MLIP: variants seen among roughly 807,000 people sequenced by gnomAD.
MLIP encodes muscular LMNA interacting protein.
Under a neutral mutation model 84.8 loss-of-function variants are expected in MLIP, and 79 were observed. The ratio of observed to expected loss-of-function variants is 0.93; its 90% CI spans 0.78 to 1.12. The LOEUF is 1.12. Ranked by LOEUF, MLIP falls within the 50% of genes most tolerant of loss-of-function variation. The pLI is 0.00. For missense variants in MLIP, 1,257 were observed against 1,160.6 expected (o/e 1.08, Z -1.21); for synonymous variants, 504 against 463.0 (o/e 1.09, Z -1.14).
At position 54,160,735 on chromosome 6, in the gene MLIP, T is replaced by C; in HGVS notation, c.2440-5T>C. ...TCTTCTTTCCTTCCTTTCTTTTTTTTTCAGCATTCTTCTGATTCTCCTTCA... is the reference window on the plus strand; with the variant it reads ...TCTTCTTTCCTTCCTTTCTTTTTTTCTCAGCATTCTTCTGATTCTCCTTCA... On this transcript the variant is annotated splice_polypyrimidine_tract_variant and splice_region_variant and intron_variant, in intron 7 of 13. Transcript: ENST00000502396. The C allele has an allele frequency of 6.3e-7, 1 of 1,574,912 alleles. No individual in the cohort carries two copies. Among genetic ancestry groups the C allele is most frequent in the Non-Finnish European group, 8.7e-7 (1 of 1,145,246 alleles).
intron 1 of MLIP, among the ~76,000 whole-genome samples, chr6:54,037,983 G>T (rs929776688): frequency 6.6e-6 from 1 of 151,652 alleles, no homozygotes; most frequent in South Asian, 2.1e-4. Flanking sequence ...TAACAAAATC[G>T]TCTAGATCAA....
intron 1 of MLIP, among the ~76,000 whole-genome samples, chr6:54,044,197 G>A (rs1011939987): frequency 2.0e-5 from 3 of 152,188 alleles, no homozygotes; most frequent in African/African-American, 4.8e-5. Flanking sequence ...TTTGACAAAT[G>A]TGCCAATTAC....
intron 13 of MLIP, among the ~76,000 whole-genome samples, chr6:54,263,193 G>A (rs948342798): frequency 2.0e-5 from 3 of 151,908 alleles, no homozygotes; most frequent in African/African-American, 7.3e-5. Context: ...TAAGATCAGG[G>A]TTAATAATTA....
chr6:54,092,200 A>T (rs954616556), intron 1 of MLIP, among the ~76,000 whole-genome samples: 2 of 152,322 alleles, frequency 1.3e-5, no homozygotes, highest in African/African-American at 2.4e-5. Context: ...TCTGCAAATG[A>T]GTAGTGTTTC....
At chr6:54,090,609 T>C (rs1197223752) in intron 1 of MLIP, among the ~76,000 whole-genome samples, 2 of 151,764 alleles carry the variant, frequency 1.3e-5, no homozygotes, top group Non-Finnish European at 2.9e-5. Context: ...TAAGCATCGG[T>C]TGTGTGCACG....
At chr6:54,209,062 A>G (rs971791526) in intron 11 of MLIP, among the ~76,000 whole-genome samples, 8 of 152,344 alleles carry the variant, frequency 5.3e-5, no homozygotes, top group African/African-American at 1.9e-4. Context: ...TTTGAATATG[A>G]ATGCTAAGTT....
chr6:54,214,966 T>C (rs531706674), intron 11 of MLIP, among the ~76,000 whole-genome samples: 1 of 152,318 alleles, frequency 6.6e-6, no homozygotes, highest in East Asian at 1.9e-4. Context: ...GGCTCTGCAA[T>C]AGGCCTGGGT....
chr6:54,097,196 T>G (rs1768275523), intron 1 of MLIP, among the ~76,000 whole-genome samples: 1 of 152,206 alleles, frequency 6.6e-6, no homozygotes, highest in Non-Finnish European at 1.5e-5. Flanking sequence ...TTAGTTTTGT[T>G]CTTGTTTGAG....
At chr6:54,065,658 C>T (rs61589182) in intron 1 of MLIP, among the ~76,000 whole-genome samples, 11,357 of 99,068 alleles carry the variant, frequency 0.11, 3,682 homozygotes, top group South Asian at 0.17. Context: ...GCATCTGAAG[C>T]GGTTGGGTGG....
At chr6:54,176,991 C>T (rs1455773853) in intron 9 of MLIP, among the ~76,000 whole-genome samples, 1 of 152,194 alleles carries the variant, frequency 6.6e-6, no homozygotes, top group African/African-American at 2.4e-5. Context: ...GGAAAATTGG[C>T]TAGCCGTAAG....
chr6:54,251,715 ATAT>A (rs1441735453), intron 12 of MLIP, among the ~76,000 whole-genome samples: 1 of 106,084 alleles, frequency 9.4e-6, no homozygotes, highest in African/African-American at 4.2e-5. Context: ...TGATACATAT[ATAT>A]TATAACATAT....
chr6:54,202,341 C>G lies in MLIP; in HGVS notation c.2718+108C>G, dbSNP rs572848940. 25 of 567,646 alleles carry G rather than the reference C, an allele frequency of 4.4e-5. No individual in the cohort carries two copies. The African/African-American group carries it at 4.9e-4, about 11-fold the overall frequency. 35.2% of individuals were successfully genotyped at this position (567,646 alleles called of 1,614,324 possible). On this transcript the variant is annotated intron_variant, in intron 11 of 13. Transcript: ENST00000502396. ...TGATAAATATAAAATAAAGATGTCT[C>G]TATGAATATAGTATGCGTAAGAACA...
intron 1 of MLIP, chr6:54,046,974 T>C (rs1225653895): frequency 6.6e-6 from 1 of 152,198 alleles, no homozygotes; most frequent in Admixed American, 6.5e-5. Context: ...CAAATAACTC[T>C]AAATTTGGAA....
In MLIP at chr6:54,136,791, C is replaced by T. The variant is rs767016774; in HGVS notation, c.722C>T (p.Pro241Leu). The change falls in exon 4 of 14, where the codon CCG becomes CTG. Residue 241 changes from proline to leucine, a missense_variant. Pro to Leu is a moderately conservative substitution (Grantham distance 98). Coordinates refer to ENST00000502396, the MANE Select transcript of MLIP (RefSeq NM_001281747.2). The stretch of plus-strand genomic sequence containing the variant: ...TTCTCCTTTGTTTCTCCAACTAATC[C>T]GAACACACCACCCGACCCAGTTAAC... ...PAFSFVSPTN[P>L]NTPPDPVNLE... 6.5e-7 allele frequency: 1 copy of T among 1,526,974 alleles called. No individual in the cohort carries two copies. Among genetic ancestry groups the T allele is most frequent in the Non-Finnish European group, 8.8e-7 (1 of 1,139,336 alleles). The allele number at this position is 1,526,974 out of a possible 1,614,324, so 94.6% of individuals were successfully genotyped here.
chr6:54,257,464 A>C, intron 13 of MLIP, 103 bp downstream of exon 13: 1 of 841,948 alleles, frequency 1.2e-6, no homozygotes, highest in South Asian at 1.7e-5. Flanking sequence ...TGCTTTTATA[A>C]CAAAAGAAAG....
chr6:54,150,800 T>G (rs1382690611), intron 5 of MLIP, among the ~76,000 whole-genome samples: 1 of 152,192 alleles, frequency 6.6e-6, no homozygotes, highest in African/African-American at 2.4e-5. Flanking sequence ...TTAACTAAAT[T>G]ATTGAGCTTA....
intron 1 of MLIP, among the ~76,000 whole-genome samples, chr6:54,080,601 T>A (rs1295683562): frequency 6.6e-6 from 1 of 151,488 alleles, no homozygotes; most frequent in East Asian, 1.9e-4. Flanking sequence ...ACTATACCCA[T>A]GTGATAAAAA....
At chr6:54,025,755 C>G (rs958615067) in intron 1 of MLIP, among the ~76,000 whole-genome samples, 1 of 151,604 alleles carries the variant, frequency 6.6e-6, no homozygotes, top group Non-Finnish European at 1.5e-5. Context: ...CCTAAGCTGC[C>G]GGCTCATGTT....
chr6:54,092,073 T>C (rs1767906490), intron 1 of MLIP, among the ~76,000 whole-genome samples: 1 of 152,126 alleles, frequency 6.6e-6, no homozygotes, highest in African/African-American at 2.4e-5. Flanking sequence ...GATCTGGAAT[T>C]AAATATCCAA....
Sources: allele counts gnomAD v4.1 joint callset (sites outside exome capture counted in the v4.1 genomes callset), GRCh38; gene constraint gnomAD v4.1.1; transcripts MANE v1.5; gene names NCBI Gene and HGNC (gene_info 2026-07-23, HGNC 2026-07-21).